The following ID2 variants were observed in gnomAD, a reference collection of about 807,000 sequenced individuals.
ID2 encodes the protein inhibitor of DNA binding 2.
A neutral mutation model predicts 8.3 loss-of-function variants in ID2; 2 were observed. The observed-to-expected ratio is 0.24, with a 90% CI of 0.10 to 0.76. ID2 has a LOEUF of 0.76. Among genes scored for constraint, ID2 ranks in the 30% least tolerant of loss-of-function variants. The probability of loss-of-function intolerance (pLI) is 0.73; values close to 1 mark genes in which losing one functional copy is unlikely to be tolerated. For synonymous variants in ID2, 112 were observed against 72.3 expected (o/e 1.55, Z -2.79); for missense variants, 155 against 167.0 (o/e 0.93, Z 0.40).
At position 8,683,073 on chromosome 2, in the gene ID2, G is replaced by T. The variant is rs2147895440; in HGVS notation, c.*7+167G>T. ...TGTCTCACTAGACATGAAGGAGCTTGTAGCTTTGGGTGCTCGAGATCACAG... is the reference window on the plus strand; with the variant it reads ...TGTCTCACTAGACATGAAGGAGCTTTTAGCTTTGGGTGCTCGAGATCACAG... On this transcript the variant is annotated intron_variant, in intron 2 of 2. Transcript: ENST00000396290. 5 of 632,372 alleles carry T rather than the reference G, an allele frequency of 7.9e-6. No individual in the cohort carries two copies. The South Asian group carries it at 9.1e-5, about 11-fold the overall frequency. The allele number at this position is 632,372 out of a possible 1,614,324, so 39.2% of individuals were successfully genotyped here.
chr2:8,683,928 AG>A lies in ID2; in HGVS notation c.*253del, dbSNP rs1383510189. The A allele has an allele frequency of 1.3e-5, 2 of 152,570 alleles. No individual in the cohort carries two copies. The highest frequency in any genetic ancestry group is 2.9e-5 in the Non-Finnish European group (2 of 68,040). The allele number at this position is 152,570 out of a possible 1,614,324, so 9.5% of individuals were successfully genotyped here. On this transcript the variant is annotated 3_prime_UTR_variant, in exon 3 of 3. Transcript: ENST00000396290. ...TTTAAATGCCCTTTCTGCAGTTGGA[AG>A]GTTTTCTTTATATACTATTCCCACC... is the stretch of plus-strand genomic sequence containing the variant.
Sources: allele counts gnomAD v4.1 joint callset, GRCh38; gene constraint gnomAD v4.1.1; transcripts MANE v1.5; gene names NCBI Gene and HGNC (gene_info 2026-07-23, HGNC 2026-07-21).